The following TUB variants were observed in gnomAD, a reference collection of about 807,000 sequenced individuals.
TUB encodes tubby protein homolog.
In TUB, 33 loss-of-function variants were observed where a neutral mutation model predicts 59.7. The ratio of observed to expected loss-of-function variants is 0.55; its 90% CI spans 0.42 to 0.74. TUB has a LOEUF of 0.74. Among genes scored for constraint, TUB ranks in the 30% least tolerant of loss-of-function variants. The probability of loss-of-function intolerance (pLI) is 0.00; values close to 1 mark genes in which losing one functional copy is unlikely to be tolerated. For synonymous variants in TUB, 293 were observed against 256.4 expected, an observed-to-expected ratio of 1.14 and a Z score of -1.36; for missense variants, 659 against 672.0, an observed-to-expected ratio of 0.98 and a Z score of 0.21.
At position 8,098,859 on chromosome 11, in the gene TUB, T is replaced by A; in HGVS notation, c.1100T>A (p.Leu367Gln). The A allele has an allele frequency of 1.9e-6, 3 of 1,613,844 alleles. No individual in the cohort carries two copies. Among genetic ancestry groups the A allele is most frequent in the Non-Finnish European group, 2.5e-6 (3 of 1,179,712 alleles). The change falls in exon 9 of 12, where the codon CTG becomes CAG. Residue 367 changes from leucine (L) to glutamine (Q), a missense_variant. Leu to Gln is a moderately radical substitution (Grantham distance 113). Coordinates refer to ENST00000299506, the MANE Select transcript of TUB (RefSeq NM_177972.3). Reference sequence around the variant, plus strand: ...GAAAGTGGAACCTTACGTCAGGAGCTGGCAGCTGTGTGCTACGTGAGTCCT... The same window carrying A: ...GAAAGTGGAACCTTACGTCAGGAGCAGGCAGCTGTGTGCTACGTGAGTCCT... ...TLESGTLRQELAAVCYETNVL... is the reference protein window; with the variant it reads ...TLESGTLRQEQAAVCYETNVL...
At chr11:8,097,948 C>A (rs1025123282) in intron 8 of TUB, 122 bp downstream of exon 8, 176 of 734,210 alleles carry the variant, frequency 2.4e-4, no homozygotes, top group Non-Finnish European at 2.9e-4. Flanking sequence ...CTCCCAGGAT[C>A]CTCTCTGATA....
chr11:8,081,951 C>T (rs746188316), intron 1 of TUB, among the ~76,000 whole-genome samples: 1 of 152,242 alleles, frequency 6.6e-6, no homozygotes, highest in Non-Finnish European at 1.5e-5. Flanking sequence ...GGGCCAAAGA[C>T]GCTCCTGCTG....
At chr11:8,058,512 T>C (rs1446263745) in intron 2 of TUB, among the ~76,000 whole-genome samples, 1 of 152,206 alleles carries the variant, frequency 6.6e-6, no homozygotes, top group Non-Finnish European at 1.5e-5. Context: ...TGTCTAGACC[T>C]GAGAAAGTGA....
intron 2 of TUB, chr11:8,068,952 C>A (rs1177938118): frequency 4.6e-5 from 7 of 152,210 alleles, no homozygotes; most frequent in African/African-American, 1.7e-4. Flanking sequence ...CAGGAAAGAT[C>A]TGAGTTTCTT....
rs758413286 is a variant in TUB, at chr11:8,101,652, C to T, written c.*33C>T. ...TTCGTGCCCTTTGGGGTTGCCCAGC[C>T]TGGAGCGGAGCTTGCCTGCCTGCCT... On this transcript the variant is annotated 3_prime_UTR_variant, in exon 12 of 12. Transcript: ENST00000299506. 2 of 1,611,364 alleles carry T rather than the reference C, an allele frequency of 1.2e-6. No homozygotes were observed. The highest frequency in any genetic ancestry group is 2.2e-5 in the South Asian group (2 of 90,774).
At chr11:8,099,063 C>T (rs1215273328) in intron 9 of TUB, among the ~76,000 whole-genome samples, 188 bp downstream of exon 9, 2 of 152,054 alleles carry the variant, frequency 1.3e-5, no homozygotes, top group South Asian at 2.1e-4. Flanking sequence ...CTTCAGAGCT[C>T]ACACCACAGC....
intron 1 of TUB, among the ~76,000 whole-genome samples, chr11:8,024,623 G>A (rs1247239125): frequency 6.6e-6 from 1 of 152,050 alleles, no homozygotes; most frequent in Non-Finnish European, 1.5e-5. Context: ...GTTCTTCCCA[G>A]TTCTTTGCTA....
chr11:8,092,414 A>G (rs530066400), intron 3 of TUB, among the ~76,000 whole-genome samples: 2 of 152,086 alleles, frequency 1.3e-5, no homozygotes, highest in African/African-American at 2.4e-5. Flanking sequence ...AAAGAAAAAG[A>G]TAGTTTCTGG....
chr11:8,023,882 C>T (rs1942466157), intron 1 of TUB, among the ~76,000 whole-genome samples: 1 of 152,238 alleles, frequency 6.6e-6, no homozygotes, highest in Admixed American at 6.5e-5. Context: ...CAGTCGTTAT[C>T]CTCAAAGGCT....
chr11:8,035,992 G>T (rs979428960), upstream of TUB: 1 of 152,284 alleles, frequency 6.6e-6, no homozygotes, highest in African/African-American at 2.4e-5. Flanking sequence ...GGGTCTGTCA[G>T]TAGGGGGGCA....
At chr11:8,092,466 G>C (rs538740531) in intron 3 of TUB, among the ~76,000 whole-genome samples, 1 of 152,106 alleles carries the variant, frequency 6.6e-6, no homozygotes, top group Non-Finnish European at 1.5e-5. Flanking sequence ...TTGTGACTGG[G>C]GCAAGCCATT....
At chr11:8,047,950 C>G (rs923258038) in intron 2 of TUB, among the ~76,000 whole-genome samples, 11 of 152,136 alleles carry the variant, frequency 7.2e-5, no homozygotes, top group African/African-American at 2.7e-4. Context: ...ATTTGCTCAT[C>G]CATTTTAATA....
chr11:8,044,494 AT>A (rs1942798933), intron 2 of TUB, among the ~76,000 whole-genome samples: 1 of 152,080 alleles, frequency 6.6e-6, no homozygotes, highest in African/African-American at 2.4e-5. Context: ...ATGTCTGCTA[AT>A]TCTGTCATCT....
chr11:8,030,950 AG>A (rs925438109), intron 1 of TUB, among the ~76,000 whole-genome samples: 1 of 152,202 alleles, frequency 6.6e-6, no homozygotes, highest in Non-Finnish European at 1.5e-5. Flanking sequence ...TCCTGACACC[AG>A]CCCCTCTTTC....
At chr11:8,020,099 A>G (rs575868162) in intron 1 of TUB, among the ~76,000 whole-genome samples, 75 of 152,334 alleles carry the variant, frequency 4.9e-4, no homozygotes, top group Non-Finnish European at 1.0e-3. Flanking sequence ...ATTTATTCCT[A>G]GGTTATGCCT....
At chr11:8,043,021 A>G (rs1942777731) in intron 2 of TUB, among the ~76,000 whole-genome samples, 1 of 152,158 alleles carries the variant, frequency 6.6e-6, no homozygotes, top group Non-Finnish European at 1.5e-5. Flanking sequence ...GATTTTTTAC[A>G]AAGATTTTTG....
chr11:8,097,918 C>G lies in TUB; in HGVS notation c.998+92C>G. 3.1e-6 allele frequency: 3 copies of G among 957,518 alleles called. No individual in the cohort carries two copies. The South Asian group carries it at 4.5e-5, about 14-fold the overall frequency. 59.3% of individuals were successfully genotyped at this position (957,518 alleles called of 1,614,324 possible). A position where few individuals can be genotyped will look rare whatever the true frequency, so the allele number is the denominator to read the frequency against. On this transcript the variant is annotated intron_variant, in intron 8 of 11. Coordinates refer to ENST00000299506, the MANE Select transcript of TUB (RefSeq NM_177972.3). ...GGGCCTGAATCTTCCTGAAGGAGAT[C>G]TAGGCCAGGGATGGATACTCTCCCA...
At chr11:8,084,604 C>T (rs1374839411) in intron 1 of TUB, among the ~76,000 whole-genome samples, 1 of 152,220 alleles carries the variant, frequency 6.6e-6, no homozygotes, top group Non-Finnish European at 1.5e-5. Context: ...AGGCCATTGC[C>T]TGGTGTTTCT....
intron 1 of TUB, among the ~76,000 whole-genome samples, chr11:8,032,503 A>G (rs972468292): frequency 3.3e-5 from 5 of 152,152 alleles, no homozygotes; most frequent in Admixed American, 2.6e-4. Context: ...AGACACATCT[A>G]TCGGCTTAAA....
Sources: gnomAD v4.1 joint callset for allele counts (sites outside exome capture counted in the v4.1 genomes callset) on GRCh38, gnomAD v4.1.1 for gene constraint, MANE v1.5 for transcripts, NCBI Gene and HGNC (gene_info 2026-07-23, HGNC 2026-07-21) for gene names.